The following WWC1 variants were observed in gnomAD, a reference collection of about 807,000 sequenced individuals.
The protein encoded by WWC1 is WW and C2 domain containing 1.
A neutral mutation model predicts 138.4 loss-of-function variants in WWC1; 55 were observed. The ratio of observed to expected loss-of-function variants is 0.40; its 90% CI spans 0.32 to 0.50. The LOEUF (loss-of-function observed/expected upper bound fraction) is 0.50. Among genes scored for constraint, WWC1 ranks in the 20% least tolerant of loss-of-function variants. WWC1 has a pLI of 0.72. For missense variants in WWC1, 1,226 were observed against 1,420.4 expected, an observed-to-expected ratio of 0.86 and a Z score of 2.20; for synonymous variants, 524 against 564.9, an observed-to-expected ratio of 0.93 and a Z score of 1.03.
chr5:168,456,679 A>G (rs1756352449), intron 19 of WWC1, among the ~76,000 whole-genome samples: 1 of 146,004 alleles, frequency 6.8e-6, no homozygotes, highest in African/African-American at 2.6e-5. Context: ...CCCTTAAGAC[A>G]ATGGATAATG....
At chr5:168,447,270 A>G (rs1049272365) in intron 17 of WWC1, among the ~76,000 whole-genome samples, 1 of 152,238 alleles carries the variant, frequency 6.6e-6, no homozygotes, top group African/African-American at 2.4e-5. Flanking sequence ...CTCAAATTAT[A>G]TATTTAGTCT....
At chr5:168,458,522 C>T (rs1388732875) in intron 19 of WWC1, among the ~76,000 whole-genome samples, 2 of 152,148 alleles carry the variant, frequency 1.3e-5, no homozygotes, top group African/African-American at 4.8e-5. Flanking sequence ...CCACTGAACT[C>T]GAAGTCCATG....
chr5:168,448,517 G>A (rs535728441), intron 17 of WWC1, among the ~76,000 whole-genome samples: 7 of 151,872 alleles, frequency 4.6e-5, no homozygotes, highest in East Asian at 3.9e-4. Flanking sequence ...TTGGGAACTC[G>A]TATTTGTCTG....
At chr5:168,358,822 G>T (rs911187828) in intron 1 of WWC1, among the ~76,000 whole-genome samples, 1 of 151,514 alleles carries the variant, frequency 6.6e-6, no homozygotes, top group Non-Finnish European at 1.5e-5. Flanking sequence ...ACATGTATAC[G>T]TACACATGTA....
Position 168,324,153 on chromosome 5 carries a change from G to T in WWC1, c.119+31882G>T, listed in dbSNP as rs533163864. Among the ~76,000 whole-genome samples the T allele has an allele frequency of 1.8e-4, 28 of 152,318 alleles. No homozygotes were observed. In the South Asian group the frequency reaches 5.2e-3, roughly 28 times the overall value. ...AAGAAATGTTAAAGGAAATTTTTCAGGGCCAGGTGCAGTGGCCCATGCCTG... is the reference window on the plus strand; with the variant it reads ...AAGAAATGTTAAAGGAAATTTTTCATGGCCAGGTGCAGTGGCCCATGCCTG... On this transcript the variant is annotated intron_variant, in intron 1 of 22. Transcript: ENST00000265293.
chr5:168,352,341 C>G (rs1775032632), intron 1 of WWC1, among the ~76,000 whole-genome samples: 2 of 152,126 alleles, frequency 1.3e-5, no homozygotes, highest in South Asian at 2.1e-4. Flanking sequence ...TCAGGTTTAT[C>G]CAGTAATTAT....
At chr5:168,401,370 G>A (rs1324428256) in intron 5 of WWC1, among the ~76,000 whole-genome samples, 1 of 152,160 alleles carries the variant, frequency 6.6e-6, no homozygotes, top group African/African-American at 2.4e-5. Context: ...CACCTGTATG[G>A]ATGGCTGTTT....
chr5:168,385,531 A>G (rs1777978892), intron 3 of WWC1, 117 bp downstream of exon 3: 1 of 1,048,360 alleles, frequency 9.5e-7, no homozygotes, highest in African/African-American at 1.6e-5. Context: ...CTCTTTGTCC[A>G]AACCACCATC....
intron 1 of WWC1, among the ~76,000 whole-genome samples, chr5:168,320,335 C>T (rs1456722840): frequency 6.6e-6 from 1 of 152,130 alleles, no homozygotes; most frequent in East Asian, 1.9e-4. Context: ...GAACCTGGCC[C>T]ATATGCTTTT....
chr5:168,434,098 C>T (rs1266530735), intron 15 of WWC1, among the ~76,000 whole-genome samples: 1 of 152,224 alleles, frequency 6.6e-6, no homozygotes, highest in Admixed American at 6.5e-5. Context: ...GCTCCTCCAG[C>T]GAAGCATTCC....
At chr5:168,434,271 A>T (rs933397779) in intron 15 of WWC1, among the ~76,000 whole-genome samples, 3 of 152,276 alleles carry the variant, frequency 2.0e-5, no homozygotes, top group Admixed American at 2.0e-4. Flanking sequence ...GCCTGCGGCC[A>T]ATGGGAAACC....
chr5:168,310,476 C>A (rs1456165201), intron 1 of WWC1, among the ~76,000 whole-genome samples: 1 of 151,062 alleles, frequency 6.6e-6, no homozygotes, highest in Non-Finnish European at 1.5e-5. Flanking sequence ...AGAAATTGTA[C>A]ATATAATGTA....
At chr5:168,418,204 A>G (rs1399197379) in intron 9 of WWC1, among the ~76,000 whole-genome samples, 2 of 152,098 alleles carry the variant, frequency 1.3e-5, no homozygotes, top group Middle Eastern at 3.2e-3. Flanking sequence ...GGACCTGCCA[A>G]ACCCCGCTCA....
chr5:168,384,558 T>C (rs750396690), intron 2 of WWC1, among the ~76,000 whole-genome samples: 24 of 152,110 alleles, frequency 1.6e-4, no homozygotes, highest in Non-Finnish European at 2.9e-4. Context: ...GAGACATTAG[T>C]TATTTTTCTT....
intron 6 of WWC1, among the ~76,000 whole-genome samples, 171 bp downstream of exon 6, chr5:168,406,498 C>T (rs1779804736): frequency 6.6e-6 from 1 of 152,150 alleles, no homozygotes; most frequent in South Asian, 2.1e-4. Context: ...GGCTCAGAAG[C>T]ATTAAGTGAC....
chr5:168,373,534 T>C (rs1294189261), intron 2 of WWC1, among the ~76,000 whole-genome samples: 1 of 152,030 alleles, frequency 6.6e-6, no homozygotes, highest in Non-Finnish European at 1.5e-5. Flanking sequence ...TTCAGAGCCA[T>C]GCACTTGGAC....
intron 8 of WWC1, 115 bp from the exon 9 acceptor site, chr5:168,414,233 C>A: frequency 7.0e-7 from 1 of 1,435,244 alleles, no homozygotes; most frequent in Admixed American, 2.5e-5. Context: ...ACAAGCTGAT[C>A]AAAGGAAGAC....
intron 1 of WWC1, among the ~76,000 whole-genome samples, chr5:168,362,919 G>A (rs776627249): frequency 6.6e-6 from 1 of 152,136 alleles, no homozygotes; most frequent in Non-Finnish European, 1.5e-5. Context: ...GGAACCGTCT[G>A]GAATCTCCCC....
At chr5:168,375,410 A>G (rs1048827856) in intron 2 of WWC1, among the ~76,000 whole-genome samples, 2 of 152,216 alleles carry the variant, frequency 1.3e-5, no homozygotes, top group African/African-American at 4.8e-5. Flanking sequence ...AAAGAGGACC[A>G]AGGATAAACC....
Sources: allele counts gnomAD v4.1 joint callset (sites outside exome capture counted in the v4.1 genomes callset), GRCh38; gene constraint gnomAD v4.1.1; transcripts MANE v1.5; gene names NCBI Gene and HGNC (gene_info 2026-07-23, HGNC 2026-07-21).